The following EGLN3 variants were observed in gnomAD, a reference collection of about 807,000 sequenced individuals.
The protein encoded by EGLN3 is egl-9 family hypoxia inducible factor 3.
A neutral mutation model predicts 26.0 loss-of-function variants in EGLN3; 15 were observed. The observed-to-expected ratio is 0.58, with a 90% confidence interval of 0.39 to 0.89. EGLN3 has a LOEUF of 0.89. Ranked by LOEUF, EGLN3 falls within the 40% of genes least tolerant of loss-of-function variation. The pLI is 0.00. For missense variants in EGLN3, 238 were observed against 311.6 expected, an observed-to-expected ratio of 0.76 and a Z score of 1.78; for synonymous variants, 147 against 127.2, an observed-to-expected ratio of 1.16 and a Z score of -1.05.
intron 1 of EGLN3, among the ~76,000 whole-genome samples, chr14:33,937,899 C>G (rs958369688): frequency 1.3e-5 from 2 of 152,104 alleles, no homozygotes; most frequent in African/African-American, 4.8e-5. Flanking sequence ...GTGGGTCTGC[C>G]CACACCCTCC....
intron 2 of EGLN3, among the ~76,000 whole-genome samples, chr14:33,930,315 C>T (rs907728973): frequency 6.6e-6 from 1 of 152,182 alleles, no homozygotes; most frequent in Admixed American, 6.5e-5. Context: ...TAGGCCTTTT[C>T]ACTGATTCAA....
intron 1 of EGLN3, 67 bp from the exon 2 acceptor site, chr14:33,931,282 G>A (rs2064401756): frequency 6.2e-7 from 1 of 1,606,752 alleles, no homozygotes; most frequent in East Asian, 2.2e-5. Context: ...TCCCACTGGT[G>A]AGCAGATAAG....
chr14:33,930,996 T>C, intron 2 of EGLN3, 100 bp downstream of exon 2: 1 of 1,499,896 alleles, frequency 6.7e-7, no homozygotes, highest in South Asian at 1.3e-5. Flanking sequence ...CAGTGGGAGA[T>C]ACGGCAACTA....
In EGLN3 at chr14:33,950,896, CG is replaced by C. The variant is rs1187712507; in HGVS notation, c.-145del. 3 of 726,938 alleles carry C rather than the reference CG, an allele frequency of 4.1e-6. No individual in the cohort carries two copies. The highest frequency in any genetic ancestry group is 2.4e-5 in the Admixed American group (1 of 41,808). The allele number at this position is 726,938 out of a possible 1,614,324, so 45.0% of individuals were successfully genotyped here. ...CACGGTACCCGAGCCGCTGCAGCGT[CG>C]GGGACAAGGGAAAGTTTCTCGCAAC... On this transcript the variant is annotated 5_prime_UTR_variant, in exon 1 of 5. Coordinates refer to ENST00000250457, the MANE Select transcript of EGLN3 (RefSeq NM_022073.4).
At chr14:33,936,083 T>C (rs1179025972) in intron 1 of EGLN3, among the ~76,000 whole-genome samples, 2 of 151,572 alleles carry the variant, frequency 1.3e-5, no homozygotes, top group Non-Finnish European at 2.9e-5. Context: ...ATACAAAAAT[T>C]AGTTGGGCAT....
chr14:33,929,007 T>G (rs1233881087), intron 3 of EGLN3, 69 bp downstream of exon 3: 2 of 1,577,786 alleles, frequency 1.3e-6, no homozygotes, highest in Non-Finnish European at 1.7e-6. Context: ...GACACACGTT[T>G]AAAGAGTTCT....
chr14:33,934,445 G>A (rs2064425876), intron 1 of EGLN3, among the ~76,000 whole-genome samples: 1 of 135,256 alleles, frequency 7.4e-6, no homozygotes. Flanking sequence ...TCTGTTAAGA[G>A]TTACCAGTGA....
In EGLN3 at chr14:33,938,594, C is replaced by A. The variant is rs1046120048; in HGVS notation, c.358-7379G>T. On this transcript the variant is annotated intron_variant, in intron 1 of 4. Transcript: ENST00000250457. ...AACCATCCCCCTCCCCCATCTCTAC[C>A]CCAGTCACCAGAGAAATGTTTTCAA... 2.0e-5 allele frequency among the ~76,000 whole-genome samples: 3 copies of A among 152,210 alleles called. No homozygotes were observed. The South Asian group carries it at 6.2e-4, about 31-fold the overall frequency.
chr14:33,943,603 T>C (rs2064498000), intron 1 of EGLN3, among the ~76,000 whole-genome samples: 2 of 152,218 alleles, frequency 1.3e-5, no homozygotes, highest in Admixed American at 6.5e-5. Context: ...TTAATTTACC[T>C]AGGGCTGCAA....
chr14:33,950,801 G>GC lies in EGLN3; in HGVS notation c.-50_-49insG. 1 of 1,299,832 alleles carries GC rather than the reference G, an allele frequency of 7.7e-7. No individual in the cohort carries two copies. Among genetic ancestry groups the GC allele is most frequent in the South Asian group, 2.6e-5 (1 of 37,986 alleles). 80.5% of individuals were successfully genotyped at this position (1,299,832 alleles called of 1,614,324 possible). On this transcript the variant is annotated 5_prime_UTR_variant, in exon 1 of 5. Coordinates refer to ENST00000250457, the MANE Select transcript of EGLN3 (RefSeq NM_022073.4). The stretch of plus-strand genomic sequence containing the variant: ...GGATCCCCAGCGTGCAACCAGAGAG[G>GC]GAACGATCTACACGAGCGCGAAGCC...
At position 33,926,985 on chromosome 14, in the gene EGLN3, G is replaced by A; in HGVS notation, c.663C>T (p.Ala221=). The change falls in exon 4 of 5, where the codon GCC becomes GCT. Residue 221 remains alanine, a synonymous_variant. Transcript: ENST00000250457. ...WYFDAEERAE[A]KKKFRNLTRK... ...TAGTTAAATTCCTGAATTTCTTTTTGGCTTCTGCCCTTTCTTCAGCATCAA... is the reference window on the plus strand; with the variant it reads ...TAGTTAAATTCCTGAATTTCTTTTTAGCTTCTGCCCTTTCTTCAGCATCAA... The A allele has an allele frequency of 6.2e-7, 1 of 1,605,962 alleles. No homozygotes were observed.
intron 1 of EGLN3, among the ~76,000 whole-genome samples, chr14:33,946,471 G>C (rs1288693256): frequency 2.0e-5 from 3 of 152,180 alleles, no homozygotes; most frequent in African/African-American, 7.2e-5. Flanking sequence ...TTCAATGTTT[G>C]AGGGTTTTCT....
chr14:33,934,625 C>G (rs1168699779), intron 1 of EGLN3, among the ~76,000 whole-genome samples: 1 of 152,208 alleles, frequency 6.6e-6, no homozygotes, highest in Non-Finnish European at 1.5e-5. Context: ...GCATCAGTGA[C>G]CTCCACCATC....
In EGLN3 at chr14:33,924,847, A is replaced by C. The variant is rs997601889; in HGVS notation, c.*1044T>G. ...CTGCTAGGGACAGACGAGAACTCAA[A>C]TAGCTTTGAGATTTTTTTATTTCCA... is the stretch of plus-strand genomic sequence containing the variant. On this transcript the variant is annotated 3_prime_UTR_variant, in exon 5 of 5. Transcript: ENST00000250457. The C allele has an allele frequency of 4.0e-5, 6 of 151,094 alleles. No individual in the cohort carries two copies. Among genetic ancestry groups the C allele is most frequent in the African/African-American group, 1.5e-4 (6 of 41,160 alleles). 9.4% of individuals were successfully genotyped at this position (151,094 alleles called of 1,614,324 possible). A position where few individuals can be genotyped will look rare whatever the true frequency, so the allele number is the denominator to read the frequency against.
chr14:33,947,816 C>G (rs1433917247), intron 1 of EGLN3, among the ~76,000 whole-genome samples: 1 of 152,132 alleles, frequency 6.6e-6, no homozygotes, highest in African/African-American at 2.4e-5. Flanking sequence ...CTTTGGGAGG[C>G]CGAGGCGGGT....
chr14:33,928,953 T>C (rs887015786), intron 3 of EGLN3, 123 bp downstream of exon 3: 10 of 1,216,632 alleles, frequency 8.2e-6, no homozygotes, highest in Non-Finnish European at 1.1e-5. Context: ...TCCAAACAAG[T>C]TTGCTATCAG....
chr14:33,942,332 A>C (rs2064489494), intron 1 of EGLN3, among the ~76,000 whole-genome samples: 1 of 151,746 alleles, frequency 6.6e-6, no homozygotes, highest in African/African-American at 2.4e-5. Context: ...TTCTATAGTG[A>C]ACCTAAAAAG....
rs923287319 is a variant in EGLN3, at chr14:33,950,998, C to G, written c.-246G>C. 2 of 532,136 alleles carry G rather than the reference C, an allele frequency of 3.8e-6. No homozygotes were observed. The highest frequency in any genetic ancestry group is 6.6e-6 in the Non-Finnish European group (2 of 301,612). 33.0% of individuals were successfully genotyped at this position (532,136 alleles called of 1,614,324 possible). Reference sequence around the variant, plus strand: ...TCCACGACCCGTTTCCGGACTGGCCCGGCGAGCAGTGCGGCGCAAGGAGTC... The same window carrying G: ...TCCACGACCCGTTTCCGGACTGGCCGGGCGAGCAGTGCGGCGCAAGGAGTC... On this transcript the variant is annotated 5_prime_UTR_variant, in exon 1 of 5. Coordinates refer to ENST00000250457, the MANE Select transcript of EGLN3 (RefSeq NM_022073.4).
intron 3 of EGLN3, among the ~76,000 whole-genome samples, chr14:33,927,911 A>AT (rs745395200): frequency 1.2e-4 from 19 of 152,156 alleles, no homozygotes; most frequent in Non-Finnish European, 2.2e-4. Flanking sequence ...GCTTTATCCC[A>AT]TTCATTGGAT....
Sources: allele counts gnomAD v4.1 joint callset (sites outside exome capture counted in the v4.1 genomes callset), GRCh38; gene constraint gnomAD v4.1.1; transcripts MANE v1.5; gene names NCBI Gene and HGNC (gene_info 2026-07-23, HGNC 2026-07-21).